RNF150: variants seen among roughly 807,000 people sequenced by gnomAD.
RNF150 encodes the protein ring finger protein 150.
A neutral mutation model predicts 39.3 loss-of-function variants in RNF150; 24 were observed. That is an observed-to-expected ratio of 0.61 (90% CI 0.44 to 0.86). RNF150 has a LOEUF of 0.86. RNF150 is among the 40% of genes least tolerant of loss of function. The pLI, the probability that RNF150 is intolerant of heterozygous loss-of-function variation, is 0.00. For synonymous variants in RNF150, 255 were observed against 227.3 expected (o/e 1.12, Z -1.10); for missense variants, 502 against 587.8 (o/e 0.85, Z 1.51).
At chr4:140,991,990 C>G (rs572487317) in intron 1 of RNF150, among the ~76,000 whole-genome samples, 10 of 152,110 alleles carry the variant, frequency 6.6e-5, no homozygotes, top group African/African-American at 2.4e-4. Flanking sequence ...TGGTTTATTT[C>G]TAAAAGGATG....
intron 1 of RNF150, among the ~76,000 whole-genome samples, chr4:141,155,725 A>G (rs1471360042): frequency 6.6e-6 from 1 of 152,168 alleles, no homozygotes; most frequent in Non-Finnish European, 1.5e-5. Context: ...ACACAAAGAC[A>G]TGCAGTGCCC....
chr4:141,091,458 T>C (rs1306003691), intron 1 of RNF150, among the ~76,000 whole-genome samples: 1 of 152,114 alleles, frequency 6.6e-6, no homozygotes, highest in Non-Finnish European at 1.5e-5. Flanking sequence ...GTGTCTGAGG[T>C]CCAAGGGCAG....
At chr4:140,974,895 C>A (rs1232003471) in intron 1 of RNF150, among the ~76,000 whole-genome samples, 1 of 152,084 alleles carries the variant, frequency 6.6e-6, no homozygotes, top group Non-Finnish European at 1.5e-5. Flanking sequence ...CATGGGTCCG[C>A]TAATACATGG....
At chr4:141,079,246 C>G (rs927726001) in intron 1 of RNF150, among the ~76,000 whole-genome samples, 6 of 152,118 alleles carry the variant, frequency 3.9e-5, no homozygotes, top group Non-Finnish European at 8.8e-5. Flanking sequence ...TTCTCCAACC[C>G]CAGTTACCTG....
rs1553938684 is a variant in RNF150 at position 141,027,952 on chromosome 4, T to TTTTTTTTTTTTTTTTTTTTTTTTTTTTTG, written c.485-60080_485-60079insCAAAAAAAAAAAAAAAAAAAAAAAAAAAA. On this transcript the variant is annotated intron_variant, in intron 1 of 6. Transcript: ENST00000515673. ...TTTTTTTTTTTTTTTTTTTTTTTTT[T>TTTTTTTTTTTTTTTTTTTTTTTTTTTTTG]CAATCCTGCTGGATCAAGATGTATA... 8.4e-5 allele frequency among the ~76,000 whole-genome samples: 6 copies of TTTTTTTTTTTTTTTTTTTTTTTTTTTTTG among 71,578 alleles called. 1 individual carries two copies. Among genetic ancestry groups the TTTTTTTTTTTTTTTTTTTTTTTTTTTTTG allele is most frequent in the Non-Finnish European group, 1.2e-4 (4 of 34,328 alleles). 47.0% of individuals were successfully genotyped at this position (71,578 alleles called of 152,430 possible).
At position 140,865,070 on chromosome 4, in the gene RNF150, A is replaced by G. The variant is rs1342841728; in HGVS notation, c.*3191T>C. On this transcript the variant is annotated 3_prime_UTR_variant, in exon 7 of 7. Transcript: ENST00000515673. ...AATACTGGAGGAACTCTAGACCTGC[A>G]TTGTCCAATTGGCAGCCACTAGCCA... 6.6e-6 allele frequency: 1 copy of G among 152,134 alleles called. No individual in the cohort carries two copies. Among genetic ancestry groups the G allele is most frequent in the Non-Finnish European group, 1.5e-5 (1 of 68,040 alleles). The allele number at this position is 152,134 out of a possible 1,614,324, so 9.4% of individuals were successfully genotyped here.
At chr4:140,950,045 A>T (rs1276193575) in intron 2 of RNF150, among the ~76,000 whole-genome samples, 3 of 152,242 alleles carry the variant, frequency 2.0e-5, no homozygotes, top group Non-Finnish European at 2.9e-5. Flanking sequence ...GAAAATTACC[A>T]TCATAATGAG....
intron 6 of RNF150, among the ~76,000 whole-genome samples, chr4:140,896,745 T>TA (rs895339193): frequency 1.3e-5 from 2 of 149,964 alleles, no homozygotes; most frequent in African/African-American, 4.9e-5. Context: ...TTTTTTTCTT[T>TA]AAAAAAGAAA....
At chr4:140,976,411 A>G (rs915165754) in intron 1 of RNF150, among the ~76,000 whole-genome samples, 22 of 151,878 alleles carry the variant, frequency 1.4e-4, no homozygotes, top group African/African-American at 5.3e-4. Flanking sequence ...TCAGAATCTC[A>G]GTGTTTGCGA....
Position 140,947,171 on chromosome 4 carries a change from T to TA in RNF150, c.890+482dup, listed in dbSNP as rs879543475. ...GTGTCACATTCTCTTTCTGTTAGTTTAAAAAAAAAAAAATGAAAGGGCATG... is the reference window on the plus strand; with the variant it reads ...GTGTCACATTCTCTTTCTGTTAGTTTAAAAAAAAAAAAAATGAAAGGGCATG... On this transcript the variant is annotated intron_variant, in intron 4 of 6. Transcript: ENST00000515673. Among the ~76,000 whole-genome samples, 604 of 144,936 alleles carry TA rather than the reference T, an allele frequency of 4.2e-3. 2 individuals carry two copies. The highest frequency in any genetic ancestry group is 0.011 in the Middle Eastern group (3 of 282).
intron 1 of RNF150, among the ~76,000 whole-genome samples, chr4:141,075,247 G>C (rs1236210766): frequency 6.6e-6 from 1 of 152,206 alleles, no homozygotes; most frequent in South Asian, 2.1e-4. Context: ...ACTGTAATGC[G>C]AAAGCAGCTA....
At chr4:141,087,027 GT>G (rs1421270503) in intron 1 of RNF150, among the ~76,000 whole-genome samples, 1 of 152,050 alleles carries the variant, frequency 6.6e-6, no homozygotes, top group African/African-American at 2.4e-5. Flanking sequence ...ACATGTGAAA[GT>G]TTTTTACATA....
At chr4:141,143,484 A>C (rs1398053929) in intron 1 of RNF150, among the ~76,000 whole-genome samples, 1 of 151,996 alleles carries the variant, frequency 6.6e-6, no homozygotes, top group African/African-American at 2.4e-5. Context: ...TCTTCTCTCC[A>C]TCTCCCCATT....
intron 1 of RNF150, among the ~76,000 whole-genome samples, chr4:141,048,801 C>T (rs1226944731): frequency 6.6e-6 from 1 of 152,134 alleles, no homozygotes; most frequent in Non-Finnish European, 1.5e-5. Context: ...ACTATTAATA[C>T]ATGACAAGAA....
chr4:140,931,451 C>T (rs1731632482), intron 4 of RNF150, among the ~76,000 whole-genome samples: 1 of 152,086 alleles, frequency 6.6e-6, no homozygotes, highest in African/African-American at 2.4e-5. Context: ...AGTATTTTTC[C>T]TCCTAAGTGG....
intron 2 of RNF150, among the ~76,000 whole-genome samples, chr4:140,951,312 A>C (rs1732530193): frequency 6.6e-6 from 1 of 152,150 alleles, no homozygotes; most frequent in Non-Finnish European, 1.5e-5. Context: ...AGCATATATT[A>C]ATAAAGCTGC....
Position 141,005,946 on chromosome 4 carries a change from G to A in RNF150, c.485-38073C>T, listed in dbSNP as rs1165834283. The stretch of plus-strand genomic sequence containing the variant: ...TAGCCGGGCGTAGTGGCGGGCGCCT[G>A]TAGTCCCAGCTACTTGGGAGGCTGA... On this transcript the variant is annotated intron_variant, in intron 1 of 6. Transcript: ENST00000515673. 2.1e-5 allele frequency among the ~76,000 whole-genome samples: 3 copies of A among 145,800 alleles called. 1 individual carries two copies. The highest frequency in any genetic ancestry group is 7.7e-5 in the African/African-American group (3 of 39,108).
At chr4:141,211,794 C>A (rs551158413) in intron 1 of RNF150, among the ~76,000 whole-genome samples, 3 of 152,020 alleles carry the variant, frequency 2.0e-5, no homozygotes, top group South Asian at 2.1e-4. Flanking sequence ...GAAGATAGGG[C>A]AGTTTGACTT....
chr4:140,917,313 C>T (rs2111292691), intron 5 of RNF150, among the ~76,000 whole-genome samples: 1 of 152,218 alleles, frequency 6.6e-6, no homozygotes, highest in Non-Finnish European at 1.5e-5. Context: ...TGCAGAGACA[C>T]ACATAGGCTC....
Sources: gnomAD v4.1 joint callset for allele counts (sites outside exome capture counted in the v4.1 genomes callset) on GRCh38, gnomAD v4.1.1 for gene constraint, MANE v1.5 for transcripts, NCBI Gene and HGNC (gene_info 2026-07-23, HGNC 2026-07-21) for gene names.